The following PPP1R12A variants were observed in gnomAD, a reference collection of about 807,000 sequenced individuals.
PPP1R12A encodes protein phosphatase 1 regulatory subunit 12A, also known as myosin binding subunit.
Under a neutral mutation model 139.6 loss-of-function variants are expected in PPP1R12A, and 19 were observed. The ratio of observed to expected loss-of-function variants is 0.14; its 90% CI spans 0.09 to 0.20. PPP1R12A has a LOEUF of 0.20. Ranked by LOEUF, PPP1R12A falls within the 10% of genes least tolerant of loss-of-function variation. The pLI is 1.00. For synonymous variants in PPP1R12A, 427 were observed against 420.6 expected (o/e 1.02, Z -0.19); for missense variants, 925 against 1,211.5 (o/e 0.76, Z 3.51).
intron 2 of PPP1R12A, among the ~76,000 whole-genome samples, chr12:79,853,913 T>C (rs1880335646): frequency 1.3e-5 from 2 of 152,222 alleles, no homozygotes; most frequent in Non-Finnish European, 1.5e-5. Flanking sequence ...ATAATTGATG[T>C]TGGCCAGGTG....
At chr12:79,813,526 A>T (rs1429385424) in intron 9 of PPP1R12A, among the ~76,000 whole-genome samples, 1 of 152,204 alleles carries the variant, frequency 6.6e-6, no homozygotes, top group Admixed American at 6.5e-5. Context: ...AAAAATTCTG[A>T]ATTTTTACCA....
intron 2 of PPP1R12A, among the ~76,000 whole-genome samples, chr12:79,855,141 A>G (rs1029547738): frequency 1.3e-5 from 2 of 151,934 alleles, no homozygotes; most frequent in Non-Finnish European, 2.9e-5. Context: ...GGCGCCTGCC[A>G]CCACGCCCGG....
chr12:79,891,067 CA>C (rs1286817822), intron 1 of PPP1R12A, among the ~76,000 whole-genome samples: 3 of 151,722 alleles, frequency 2.0e-5, no homozygotes, highest in Non-Finnish European at 4.4e-5. Context: ...AGTTGGAAGG[CA>C]GGGGGGAACT....
At chr12:79,825,055 C>T (rs1356421015) in intron 5 of PPP1R12A, 1 of 152,130 alleles carries the variant, frequency 6.6e-6, no homozygotes. Flanking sequence ...ATGATTCTCA[C>T]TGTACAGATG....
chr12:79,803,289 A>G (rs1873424508), intron 14 of PPP1R12A, among the ~76,000 whole-genome samples: 2 of 152,160 alleles, frequency 1.3e-5, no homozygotes, highest in African/African-American at 2.4e-5. Context: ...AGAATACGAC[A>G]TAGAGAAGAA....
intron 3 of PPP1R12A, among the ~76,000 whole-genome samples, chr12:79,843,936 C>T (rs1879084297): frequency 6.6e-6 from 1 of 151,970 alleles, no homozygotes; most frequent in African/African-American, 2.4e-5. Flanking sequence ...AGCTCCTGAC[C>T]TCGTGATCTG....
chr12:79,874,624 G>A (rs1391167922), intron 1 of PPP1R12A, among the ~76,000 whole-genome samples: 1 of 151,838 alleles, frequency 6.6e-6, no homozygotes, highest in African/African-American at 2.4e-5. Context: ...AAAGCTCATT[G>A]GAATCTTCAG....
At position 79,795,515 on chromosome 12, in the gene PPP1R12A, CA is replaced by C. The variant is rs200661454; in HGVS notation, c.2583+122del. Reference sequence around the variant, plus strand: ...TTTTCTTATTTAACAACTCAGAAAACACAGTGATGATTTAAGGAATATGAAA... The same window carrying C: ...TTTTCTTATTTAACAACTCAGAAAACCAGTGATGATTTAAGGAATATGAAA... On this transcript the variant is annotated intron_variant, in intron 18 of 24. Coordinates refer to ENST00000450142, the MANE Select transcript of PPP1R12A (RefSeq NM_002480.3). 1,867 of 1,064,992 alleles carry C rather than the reference CA, an allele frequency of 1.8e-3. 24 individuals carry two copies. The African/African-American group carries it at 0.027, about 16-fold the overall frequency. 66.0% of individuals were successfully genotyped at this position (1,064,992 alleles called of 1,614,324 possible).
intron 1 of PPP1R12A, among the ~76,000 whole-genome samples, chr12:79,904,430 T>G (rs1300449944): frequency 6.6e-6 from 1 of 152,250 alleles, no homozygotes; most frequent in South Asian, 2.1e-4. Flanking sequence ...ACATTTTGAA[T>G]GGAGTGGTTA....
intron 2 of PPP1R12A, among the ~76,000 whole-genome samples, chr12:79,857,568 TAATAATAATAAAA>T (rs572915141): frequency 0.013 from 2,043 of 151,752 alleles, 51 homozygotes; most frequent in African/African-American, 0.047. Context: ...ACTTAAAGTA[TAATAATAATAAAA>T]AATAATAATA....
chr12:79,935,109 C>T (rs1309762144), upstream of PPP1R12A: 21 of 1,363,704 alleles, frequency 1.5e-5, no homozygotes, highest in Non-Finnish European at 1.9e-5. Context: ...GGGCGGCGCA[C>T]CCGGCCGAGC....
intron 1 of PPP1R12A, among the ~76,000 whole-genome samples, chr12:79,897,246 G>T (rs561006407): frequency 6.6e-6 from 1 of 152,298 alleles, no homozygotes; most frequent in Admixed American, 6.5e-5. Context: ...CAGTAACATG[G>T]ATGCAAGGTG....
At chr12:79,886,644 T>C (rs936240862) in intron 1 of PPP1R12A, among the ~76,000 whole-genome samples, 3 of 152,116 alleles carry the variant, frequency 2.0e-5, no homozygotes, top group African/African-American at 4.8e-5. Flanking sequence ...TATATATTTG[T>C]TGACTGAATG....
chr12:79,890,488 A>G (rs890754632), intron 1 of PPP1R12A, among the ~76,000 whole-genome samples: 2 of 151,906 alleles, frequency 1.3e-5, no homozygotes, highest in South Asian at 2.1e-4. Flanking sequence ...TTAAGAAAAT[A>G]CTCTCTCTAG....
chr12:79,862,767 A>G (rs1164815933), intron 2 of PPP1R12A, among the ~76,000 whole-genome samples: 3 of 152,000 alleles, frequency 2.0e-5, no homozygotes, highest in African/African-American at 4.8e-5. Context: ...AAGTTTAGAG[A>G]AAAAACAGTA....
intron 1 of PPP1R12A, among the ~76,000 whole-genome samples, chr12:79,887,416 T>A (rs1196624049): frequency 6.6e-6 from 1 of 152,060 alleles, no homozygotes; most frequent in Non-Finnish European, 1.5e-5. Context: ...AAATAAACAA[T>A]CTTGTCCACA....
chr12:79,921,375 A>T (rs1887425424), intron 1 of PPP1R12A, among the ~76,000 whole-genome samples: 1 of 152,214 alleles, frequency 6.6e-6, no homozygotes, highest in African/African-American at 2.4e-5. Context: ...GAACCTTGGC[A>T]ACATTCATCT....
intron 1 of PPP1R12A, among the ~76,000 whole-genome samples, chr12:79,923,292 A>G (rs780764328): frequency 1.3e-5 from 2 of 152,176 alleles, no homozygotes; most frequent in Non-Finnish European, 2.9e-5. Context: ...AAATAAATAA[A>G]TAAATAAGAT....
intron 18 of PPP1R12A, 32 bp from the exon 19 acceptor site, chr12:79,793,960 A>G: frequency 6.8e-7 from 1 of 1,466,014 alleles, no homozygotes. Context: ...ATATTTTAGG[A>G]AATTTTAGTA....
Sources: gnomAD v4.1 joint callset for allele counts (sites outside exome capture counted in the v4.1 genomes callset) on GRCh38, gnomAD v4.1.1 for gene constraint, MANE v1.5 for transcripts, NCBI Gene and HGNC (gene_info 2026-07-23, HGNC 2026-07-21) for gene names.